Variants in MFAP3L observed in about 807,000 individuals in gnomAD.
MFAP3L encodes the protein microfibril associated protein 3 like, also known as microfibrillar-associated protein 3-like.
A neutral mutation model predicts 20.0 loss-of-function variants in MFAP3L; 5 were observed. The observed-to-expected ratio is 0.25, with a 90% CI of 0.13 to 0.53. The LOEUF (loss-of-function observed/expected upper bound fraction) is 0.53, where lower values mean the gene tolerates loss of function less well. Among genes scored for constraint, MFAP3L ranks in the 20% least tolerant of loss-of-function variants. The probability of loss-of-function intolerance (pLI) is 0.96; values close to 1 mark genes in which losing one functional copy is unlikely to be tolerated. For synonymous variants in MFAP3L, 219 were observed against 213.0 expected (o/e 1.03, Z -0.25); for missense variants, 409 against 527.5 (o/e 0.78, Z 2.20).
chr4:170,007,872 T>C (rs774467566), intron 1 of MFAP3L, among the ~76,000 whole-genome samples: 7 of 152,112 alleles, frequency 4.6e-5, no homozygotes, highest in Non-Finnish European at 1.0e-4. Context: ...ACAAGGCAGG[T>C]TGGGAGATGG....
upstream of MFAP3L, chr4:170,027,215 T>G (rs890802286): frequency 5.6e-5 from 8 of 142,654 alleles, no homozygotes; most frequent in Non-Finnish European, 1.2e-4. Context: ...CTCCTCCTTA[T>G]CTCCCTTTTT....
chr4:170,021,691 G>T (rs139137351), intron 1 of MFAP3L, among the ~76,000 whole-genome samples: 1 of 152,192 alleles, frequency 6.6e-6, no homozygotes, highest in Non-Finnish European at 1.5e-5. Flanking sequence ...TGGACACAGA[G>T]ATGTCAATTT....
chr4:169,996,703 G>A lies in MFAP3L; in HGVS notation c.299-4394C>T, dbSNP rs144532209. On this transcript the variant is annotated intron_variant, in intron 2 of 2. Coordinates refer to ENST00000361618, the MANE Select transcript of MFAP3L (RefSeq NM_021647.8). ...AAAACCGAGAAGGGCTCAGATGGAG[G>A]AAGGCAGGGCTGGATTACAGGAGGA... Among the ~76,000 whole-genome samples, 1,128 of 152,302 alleles carry A rather than the reference G, an allele frequency of 7.4e-3. 7 individuals carry two copies. Among genetic ancestry groups the A allele is most frequent in the Middle Eastern group, 0.051 (15 of 294 alleles).
rs936908341 is a variant in MFAP3L at position 169,989,783 on chromosome 4, C to T, written c.*1595G>A. 3.3e-5 allele frequency: 5 copies of T among 152,176 alleles called. No homozygotes were observed. Among genetic ancestry groups the T allele is most frequent in the African/African-American group, 9.7e-5 (4 of 41,436 alleles). The allele number at this position is 152,176 out of a possible 1,614,324, so 9.4% of individuals were successfully genotyped here. A position where few individuals can be genotyped will look rare whatever the true frequency, so the allele number is the denominator to read the frequency against. Reference sequence around the variant, plus strand: ...ATGAATTTATTAAGATTACTGTCTCCTTTGCTTTTAAGGGAAAATTAAATA... The same window carrying T: ...ATGAATTTATTAAGATTACTGTCTCTTTTGCTTTTAAGGGAAAATTAAATA... On this transcript the variant is annotated 3_prime_UTR_variant, in exon 3 of 3. Transcript: ENST00000361618.
chr4:170,007,914 T>C (rs767849814), intron 1 of MFAP3L, among the ~76,000 whole-genome samples: 1 of 152,080 alleles, frequency 6.6e-6, no homozygotes, highest in African/African-American at 2.4e-5. Flanking sequence ...AAATATAACT[T>C]TTCCCCCCAG....
chr4:170,001,538 C>G (rs762746616), intron 2 of MFAP3L, among the ~76,000 whole-genome samples: 1 of 152,192 alleles, frequency 6.6e-6, no homozygotes, highest in African/African-American at 2.4e-5. Context: ...TTCTTGAAAT[C>G]CTCGTTACTT....
chr4:169,994,379 C>T (rs997342432), intron 2 of MFAP3L: 3 of 984,924 alleles, frequency 3.0e-6, no homozygotes, highest in East Asian at 1.1e-4. Flanking sequence ...AAGAGGAGAA[C>T]ACTAACAAGA....
chr4:170,019,530 C>A lies in MFAP3L; in HGVS notation c.-134+6704G>T, dbSNP rs570974926. Among the ~76,000 whole-genome samples the A allele has an allele frequency of 5.3e-5, 8 of 152,202 alleles. No homozygotes were observed. The East Asian group carries it at 1.2e-3, about 22-fold the overall frequency. On this transcript the variant is annotated intron_variant, in intron 1 of 2. Transcript: ENST00000361618. ...CTGTACTCCAGCCTGGGCAACAGAGCGAGACCTCATCTATATACACACACA... is the reference window on the plus strand; with the variant it reads ...CTGTACTCCAGCCTGGGCAACAGAGAGAGACCTCATCTATATACACACACA...
At chr4:170,026,432 G>C, upstream of MFAP3L, 1 of 302,890 alleles carries the variant, frequency 3.3e-6, no homozygotes, top group African/African-American at 2.3e-5. Flanking sequence ...CAGGAGCCTG[G>C]GCCGGCCGGG....
chr4:170,023,414 T>C (rs184763832), intron 1 of MFAP3L, among the ~76,000 whole-genome samples: 3 of 152,330 alleles, frequency 2.0e-5, no homozygotes, highest in Admixed American at 2.0e-4. Context: ...GGACTTCTGT[T>C]TGGAGCATAA....
chr4:170,005,232 C>A, intron 2 of MFAP3L: 1 of 325,526 alleles, frequency 3.1e-6, no homozygotes, highest in Non-Finnish European at 5.6e-6. Context: ...TTATTCCAGC[C>A]ATCTCCATGA....
At chr4:170,008,186 G>T (rs1418168078) in intron 1 of MFAP3L, among the ~76,000 whole-genome samples, 1 of 152,012 alleles carries the variant, frequency 6.6e-6, no homozygotes, top group African/African-American at 2.4e-5. Flanking sequence ...AGAGACTTTC[G>T]TTTTATGCAG....
At chr4:170,019,985 A>G (rs1739926711) in intron 1 of MFAP3L, among the ~76,000 whole-genome samples, 1 of 152,164 alleles carries the variant, frequency 6.6e-6, no homozygotes. Flanking sequence ...TCCATCAGGG[A>G]GTTAATTTCT....
chr4:170,017,672 T>G (rs1485088307), intron 1 of MFAP3L, among the ~76,000 whole-genome samples: 1 of 152,262 alleles, frequency 6.6e-6, no homozygotes, highest in African/African-American at 2.4e-5. Flanking sequence ...GCAATATTTT[T>G]CAGAATTTTA....
intron 1 of MFAP3L, among the ~76,000 whole-genome samples, chr4:170,014,603 T>A (rs17628613): frequency 1.3e-5 from 2 of 152,034 alleles, no homozygotes; most frequent in African/African-American, 2.4e-5. Context: ...ACAGAGCACA[T>A]TGTCTATAAA....
chr4:170,022,609 C>T (rs776345103), intron 1 of MFAP3L, among the ~76,000 whole-genome samples: 12 of 152,152 alleles, frequency 7.9e-5, no homozygotes, highest in Admixed American at 7.2e-4. Flanking sequence ...TTCTGGGGCA[C>T]GGAAGTTCAA....
intron 2 of MFAP3L, among the ~76,000 whole-genome samples, chr4:170,001,106 C>G (rs1253642123): frequency 3.9e-5 from 6 of 152,124 alleles, no homozygotes; most frequent in Non-Finnish European, 8.8e-5. Context: ...TCACACTGAT[C>G]TTAGAGGTAA....
intron 2 of MFAP3L, among the ~76,000 whole-genome samples, chr4:169,995,699 C>T (rs2110935137): frequency 6.6e-6 from 1 of 152,334 alleles, no homozygotes; most frequent in Non-Finnish European, 1.5e-5. Context: ...CGGTGACTAT[C>T]ACAGATCTTC....
At chr4:170,020,148 C>G (rs1246653235) in intron 1 of MFAP3L, among the ~76,000 whole-genome samples, 1 of 152,172 alleles carries the variant, frequency 6.6e-6, no homozygotes, top group Non-Finnish European at 1.5e-5. Flanking sequence ...CTCTCTGGTG[C>G]TGCAAAGTCT....
Sources: allele counts gnomAD v4.1 joint callset (sites outside exome capture counted in the v4.1 genomes callset), GRCh38; gene constraint gnomAD v4.1.1; transcripts MANE v1.5; gene names NCBI Gene and HGNC (gene_info 2026-07-23, HGNC 2026-07-21).